ZNF573: variants seen among roughly 807,000 people sequenced by gnomAD.
The protein encoded by ZNF573 is zinc finger protein 573.
ZNF573 carries 41 observed loss-of-function variants against 57.4 expected under a neutral mutation model. That is an observed-to-expected ratio of 0.71 (90% CI 0.56 to 0.93). The LOEUF (loss-of-function observed/expected upper bound fraction) is 0.93. Among genes scored for constraint, ZNF573 ranks in the 40% least tolerant of loss-of-function variants. The pLI is 0.00. For synonymous variants in ZNF573, 249 were observed against 261.0 expected (o/e 0.95, Z 0.44); for missense variants, 730 against 794.8 (o/e 0.92, Z 0.98).
intron 4 of ZNF573, among the ~76,000 whole-genome samples, chr19:37,752,526 CCTTTTT>C (rs2045448265): frequency 6.6e-6 from 1 of 152,138 alleles, no homozygotes; most frequent in African/African-American, 2.4e-5. Context: ...TTGCTTGATT[CCTTTTT>C]TATATGCAGA....
chr19:37,758,248 TATATATATATATATATAA>T (rs1162386238), intron 4 of ZNF573, among the ~76,000 whole-genome samples: 2 of 87,186 alleles, frequency 2.3e-5, no homozygotes, highest in African/African-American at 4.9e-5. Context: ...TATATATATA[TATATATATATATATATAA>T]AATTACCCAG....
intron 4 of ZNF573, among the ~76,000 whole-genome samples, chr19:37,750,152 G>A (rs142819953): frequency 1.7e-3 from 251 of 150,744 alleles, no homozygotes; most frequent in African/African-American, 5.9e-3. Context: ...GCACGATCTC[G>A]GCTCACCACA....
chr19:37,777,321 A>G (rs2045718508), intron 1 of ZNF573, among the ~76,000 whole-genome samples: 1 of 152,104 alleles, frequency 6.6e-6, no homozygotes, highest in South Asian at 2.1e-4. Flanking sequence ...GACAGAAGTA[A>G]TTATATGAAA....
At chr19:37,742,222 A>C (rs1448644535) in intron 4 of ZNF573, among the ~76,000 whole-genome samples, 1 of 152,252 alleles carries the variant, frequency 6.6e-6, no homozygotes, top group Non-Finnish European at 1.5e-5. Flanking sequence ...GATAGGAAGA[A>C]TCAATATCAT....
intron 4 of ZNF573, among the ~76,000 whole-genome samples, chr19:37,745,241 A>AC (rs1160585923): frequency 6.6e-6 from 1 of 151,726 alleles, no homozygotes; most frequent in Non-Finnish European, 1.5e-5. Context: ...TGCTTGGCTA[A>AC]TTTTTTTGTA....
intron 4 of ZNF573, among the ~76,000 whole-genome samples, chr19:37,748,926 CAAAAAA>C (rs35400830): frequency 1.4e-5 from 1 of 70,688 alleles, no homozygotes; most frequent in African/African-American, 5.7e-5. Context: ...GACTTGGTCT[CAAAAAA>C]AAAAAAAAAA....
In ZNF573 at chr19:37,771,553, A is replaced by G; in HGVS notation, c.202+11T>C. Reference sequence around the variant, plus strand: ...ATCACATTTTAAATTACTTGAGGCAAATAAACTTACCCAGTGATACCAGGT... The same window carrying G: ...ATCACATTTTAAATTACTTGAGGCAGATAAACTTACCCAGTGATACCAGGT... On this transcript the variant is annotated intron_variant, in intron 3 of 4. Coordinates refer to ENST00000536220, the MANE Select transcript of ZNF573 (RefSeq NM_001172690.2). The G allele has an allele frequency of 6.2e-7, 1 of 1,609,408 alleles. No individual in the cohort carries two copies. Among genetic ancestry groups the G allele is most frequent in the Non-Finnish European group, 8.5e-7 (1 of 1,177,992 alleles).
At chr19:37,745,362 C>A (rs934718344) in intron 4 of ZNF573, among the ~76,000 whole-genome samples, 7 of 151,464 alleles carry the variant, frequency 4.6e-5, no homozygotes, top group African/African-American at 1.7e-4. Context: ...GGATTACAGA[C>A]GTGAGCCACT....
intron 4 of ZNF573, among the ~76,000 whole-genome samples, chr19:37,756,583 G>C (rs190975377): frequency 1.2e-4 from 19 of 152,144 alleles, no homozygotes; most frequent in African/African-American, 4.1e-4. Context: ...AAACAGAGTC[G>C]CAATAACATT....
At chr19:37,769,060 G>A (rs1364623924) in intron 4 of ZNF573, among the ~76,000 whole-genome samples, 2 of 151,748 alleles carry the variant, frequency 1.3e-5, no homozygotes, top group Non-Finnish European at 2.9e-5. Context: ...TGCCACCTGG[G>A]TTCAAGCGAT....
chr19:37,777,669 G>A (rs541891859), intron 1 of ZNF573, among the ~76,000 whole-genome samples: 2 of 151,608 alleles, frequency 1.3e-5, no homozygotes, highest in Non-Finnish European at 2.9e-5. Flanking sequence ...GAACTCAGGA[G>A]GCAGAGGTTG....
chr19:37,770,835 TATATATA>T lies in ZNF573; in HGVS notation c.202+722_202+728del, dbSNP rs2045650837. ...GTTCTTTCAGGATTAAGTTATTTTATATATATATATATATATATATATATATATATAT... is the reference window on the plus strand; with the variant it reads ...GTTCTTTCAGGATTAAGTTATTTTATTATATATATATATATATATATATAT... On this transcript the variant is annotated intron_variant, in intron 3 of 4. Transcript: ENST00000536220. 1.4e-4 allele frequency among the ~76,000 whole-genome samples: 3 copies of T among 20,936 alleles called. No individual in the cohort carries two copies. In the South Asian group the frequency reaches 6.6e-3, roughly 46 times the overall value. 13.7% of individuals were successfully genotyped at this position (20,936 alleles called of 152,430 possible).
At chr19:37,774,054 T>C (rs536571959) in intron 1 of ZNF573, among the ~76,000 whole-genome samples, 1 of 151,394 alleles carries the variant, frequency 6.6e-6, no homozygotes, top group African/African-American at 2.4e-5. Context: ...AGTTTCTCCA[T>C]GAGAAGATTC....
intron 1 of ZNF573, among the ~76,000 whole-genome samples, 161 bp downstream of exon 1, chr19:37,779,383 T>C (rs1209728892): frequency 6.6e-6 from 1 of 152,138 alleles, no homozygotes; most frequent in African/African-American, 2.4e-5. Context: ...GGGCCTGAGA[T>C]TCCGATAACA....
At chr19:37,779,523 A>C (rs241951) in intron 1 of ZNF573, 21 bp downstream of exon 1, 83,009 of 152,050 alleles carry the variant, frequency 0.55, 24,906 homozygotes, top group East Asian at 0.89. Context: ...CCTGTTATAT[A>C]CTGAAATGAG....
intron 4 of ZNF573, among the ~76,000 whole-genome samples, chr19:37,766,579 T>C (rs1254522716): frequency 6.6e-6 from 1 of 152,232 alleles, no homozygotes; most frequent in African/African-American, 2.4e-5. Flanking sequence ...CTGTGGTGTC[T>C]TCATCTTTAC....
chr19:37,773,833 A>G, intron 1 of ZNF573, 82 bp from the exon 2 acceptor site: 1 of 849,894 alleles, frequency 1.2e-6, no homozygotes, highest in Non-Finnish European at 1.9e-6. Context: ...TCTCCTTCCA[A>G]ATTAATCCCT....
rs924212369 is a variant in ZNF573, at chr19:37,739,298, C to G, written c.1192G>C (p.Gly398Arg). The G allele has an allele frequency of 1.9e-6, 3 of 1,613,848 alleles. No homozygotes were observed. Among genetic ancestry groups the G allele is most frequent in the Non-Finnish European group, 2.5e-6 (3 of 1,179,968 alleles). ...CKQCGKTYTT[G>R]SKLFQHQKTH... ...TTCTGATGTTGAAAGAGTTTTGAAC[C>G]AGTAGTATAGGTCTTCCCACATTGC... The change falls in exon 5 of 5, where the codon GGT (glycine) becomes CGT (arginine). Residue 398 changes from glycine to arginine, a missense_variant. Physicochemically the swap from Gly to Arg is moderately radical, Grantham distance 125. Transcript: ENST00000536220.
At chr19:37,771,170 G>T (rs557858590) in intron 3 of ZNF573, among the ~76,000 whole-genome samples, 3 of 151,528 alleles carry the variant, frequency 2.0e-5, no homozygotes, top group Non-Finnish European at 2.9e-5. Flanking sequence ...TGCGTCTTTT[G>T]TCCCTGCAGG....
Sources: allele counts gnomAD v4.1 joint callset (sites outside exome capture counted in the v4.1 genomes callset), GRCh38; gene constraint gnomAD v4.1.1; transcripts MANE v1.5; gene names NCBI Gene and HGNC (gene_info 2026-07-23, HGNC 2026-07-21).